POLR1C: variants seen among roughly 807,000 people sequenced by gnomAD.
The protein encoded by POLR1C is RNA polymerase I and III subunit C.
In POLR1C, 42 loss-of-function variants were observed where a neutral mutation model predicts 38.3. The observed-to-expected ratio is 1.10, with a 90% confidence interval of 0.86 to 1.42. POLR1C has a LOEUF of 1.42. Among genes scored for constraint, POLR1C ranks in the 40% most tolerant of loss-of-function variants. POLR1C has a pLI of 0.00. For synonymous variants in POLR1C, 163 were observed against 163.9 expected, an observed-to-expected ratio of 0.99 and a Z score of 0.04; for missense variants, 507 against 450.5, an observed-to-expected ratio of 1.13 and a Z score of -1.14.
chr6:43,519,704 A>C lies in POLR1C; in HGVS notation c.250-2A>C. 2 of 1,614,216 alleles carry C rather than the reference A, an allele frequency of 1.2e-6. No homozygotes were observed. The highest frequency in any genetic ancestry group is 1.7e-6 in the Non-Finnish European group (2 of 1,180,028). On this transcript the variant is annotated splice_acceptor_variant, in intron 3 of 8. Coordinates refer to ENST00000642195, the MANE Select transcript of POLR1C (RefSeq NM_203290.4). LOFTEE classifies it high-confidence loss of function. Reference sequence around the variant, plus strand: ...GATAAGTGGTTATTTTTCCTTGGGCAGGTGCCAACTATGGCTGTGGAGAAG... The same window carrying C: ...GATAAGTGGTTATTTTTCCTTGGGCCGGTGCCAACTATGGCTGTGGAGAAG...
chr6:43,523,900 C>T (rs1308160371), downstream of POLR1C: 4 of 1,613,876 alleles, frequency 2.5e-6, no homozygotes, highest in African/African-American at 1.3e-5. Context: ...AGGCCACCCC[C>T]ATCATTGTCC....
chr6:43,533,003 G>A (rs1794080241), downstream of POLR1C, among the ~76,000 whole-genome samples: 1 of 151,956 alleles, frequency 6.6e-6, no homozygotes, highest in African/African-American at 2.4e-5. Flanking sequence ...AAAATTAGCC[G>A]GGTGTGATGG....
At chr6:43,522,675 A>G (rs1793266460), downstream of POLR1C, 1 of 480,776 alleles carries the variant, frequency 2.1e-6, no homozygotes, top group African/African-American at 2.0e-5. Context: ...CCAGCTAAAA[A>G]CTGTAGCTTC....
intron 10 of POLR1C, chr6:43,553,472 G>A (rs766392828): frequency 6.4e-6 from 10 of 1,568,102 alleles, no homozygotes; most frequent in Non-Finnish European, 7.8e-6. Flanking sequence ...CGGAACAGAG[G>A]CTTCCTTCTC....
At chr6:43,543,822 G>A (rs1236176481) in intron 9 of POLR1C, among the ~76,000 whole-genome samples, 2 of 151,744 alleles carry the variant, frequency 1.3e-5, no homozygotes, top group Admixed American at 6.6e-5. Flanking sequence ...GATTACAGGC[G>A]CCCGCCACCA....
exon 10 of POLR1C, chr6:43,551,011 A>G (rs1337389997): frequency 4.5e-6 from 1 of 220,076 alleles, no homozygotes; most frequent in African/African-American, 2.3e-5. Context: ...CCTGATCCAC[A>G]GTAAGTACTG....
At chr6:43,533,595 T>G (rs1582204099), downstream of POLR1C, 1 of 202,732 alleles carries the variant, frequency 4.9e-6, no homozygotes, top group East Asian at 1.2e-4. Flanking sequence ...TCTAGTGCTT[T>G]AAAGGCCATG....
chr6:43,525,315 C>T, downstream of POLR1C: 1 of 1,128,306 alleles, frequency 8.9e-7, no homozygotes, highest in Non-Finnish European at 1.2e-6. Flanking sequence ...TTTTTCCTCC[C>T]CCCCTCTAAA....
At chr6:43,522,079 A>G (rs1582185740), downstream of POLR1C, among the ~76,000 whole-genome samples, 1 of 152,262 alleles carries the variant, frequency 6.6e-6, no homozygotes, top group East Asian at 1.9e-4. Context: ...GACAGCTCCA[A>G]CAAAGAACAG....
downstream of POLR1C, chr6:43,525,211 C>T: frequency 6.4e-7 from 1 of 1,572,184 alleles, no homozygotes; most frequent in Non-Finnish European, 8.6e-7. Context: ...GCTGTACAAA[C>T]ATCCTGAACA....
At chr6:43,539,524 C>A (rs964719153) in intron 9 of POLR1C, 5 of 1,523,998 alleles carry the variant, frequency 3.3e-6, no homozygotes, top group Non-Finnish European at 4.5e-6. Context: ...TGACGGGCAT[C>A]CACTCCTTAT....
At chr6:43,517,474 C>A in intron 2 of POLR1C, 97 bp downstream of exon 2, 1 of 1,048,836 alleles carries the variant, frequency 9.5e-7, no homozygotes, top group Non-Finnish European at 1.5e-6. Context: ...TTGGGGGTCG[C>A]TCCGTTTGTA....
At chr6:43,528,987 G>A in intron 8 of POLR1C, 1 of 1,472,892 alleles carries the variant, frequency 6.8e-7, no homozygotes, top group Non-Finnish European at 9.3e-7. Flanking sequence ...GCCAGGTGGT[G>A]GGTTGCACCC....
intron 8 of POLR1C, 27 bp downstream of exon 8, chr6:43,521,075 G>A (rs1171080957): frequency 1.3e-6 from 2 of 1,599,034 alleles, no homozygotes; most frequent in South Asian, 2.2e-5. Context: ...GAGATGAGTG[G>A]GCAGTGCTCT....
At position 43,528,690 on chromosome 6, in the gene POLR1C, G is replaced by C. The variant is rs1406111621; in HGVS notation, c.923-559G>C. The C allele has an allele frequency of 9.0e-6, 7 of 775,074 alleles. No individual in the cohort carries two copies. In the South Asian group the frequency reaches 9.5e-5, roughly 11 times the overall value. 48.0% of individuals were successfully genotyped at this position (775,074 alleles called of 1,614,324 possible). A position where few individuals can be genotyped will look rare whatever the true frequency, so the allele number is the denominator to read the frequency against. ...CTCGATCCTACAGCAAGGATAGTCA[G>C]CTGGGGTAGAAGCTCTGCCCAGCCA... On this transcript the variant is annotated intron_variant, in intron 8 of 8. Coordinates refer to the POLR1C transcript ENST00000304004.
downstream of POLR1C, chr6:43,525,691 C>T (rs144041302): frequency 2.1e-3 from 1,720 of 810,214 alleles, 4 homozygotes; most frequent in Non-Finnish European, 3.0e-3. Flanking sequence ...CCTTTTCCCT[C>T]GGTTTTTTCT....
chr6:43,547,630 G>T, intron 9 of POLR1C: 1 of 1,613,948 alleles, frequency 6.2e-7, no homozygotes, highest in Non-Finnish European at 8.5e-7. Context: ...TAAGCCACAC[G>T]GATCCTCCAG....
chr6:43,541,671 T>C (rs1423683807), intron 9 of POLR1C, among the ~76,000 whole-genome samples: 1 of 152,244 alleles, frequency 6.6e-6, no homozygotes, highest in Non-Finnish European at 1.5e-5. Context: ...ATACAACATA[T>C]GGCCTTTTGT....
chr6:43,562,046 T>C (rs1762444629), exon 11 of POLR1C: 1 of 440,148 alleles, frequency 2.3e-6, no homozygotes, highest in Non-Finnish European at 4.0e-6. Context: ...GGTATAACTA[T>C]TTTATTGTTA....
Sources: gnomAD v4.1 joint callset for allele counts (sites outside exome capture counted in the v4.1 genomes callset) on GRCh38, gnomAD v4.1.1 for gene constraint, MANE v1.5 for transcripts, NCBI Gene and HGNC (gene_info 2026-07-23, HGNC 2026-07-21) for gene names.